CALN1: variants seen among roughly 807,000 people sequenced by gnomAD.
CALN1 encodes calneuron 1.
In CALN1, 17 loss-of-function variants were observed where a neutral mutation model predicts 30.6. The ratio of observed to expected loss-of-function variants is 0.56; its 90% CI spans 0.38 to 0.83. The LOEUF (loss-of-function observed/expected upper bound fraction) is 0.83. CALN1 is among the 40% of genes least tolerant of loss of function. The pLI is 0.00. For synonymous variants in CALN1, 156 were observed against 131.4 expected (o/e 1.19, Z -1.28); for missense variants, 291 against 354.9 (o/e 0.82, Z 1.45).
At chr7:72,134,013 A>G (rs1210918083) in intron 3 of CALN1, among the ~76,000 whole-genome samples, 3 of 152,212 alleles carry the variant, frequency 2.0e-5, no homozygotes, top group African/African-American at 7.2e-5. Context: ...ATTAAAAGGC[A>G]TTAAAAGGCC....
intron 3 of CALN1, among the ~76,000 whole-genome samples, chr7:72,177,260 T>A (rs1259187521): frequency 6.6e-6 from 1 of 152,090 alleles, no homozygotes; most frequent in East Asian, 1.9e-4. Context: ...GTGCTTACCC[T>A]GACTTAGAGA....
At chr7:72,320,927 A>G (rs1490717049) in intron 2 of CALN1, among the ~76,000 whole-genome samples, 1 of 151,846 alleles carries the variant, frequency 6.6e-6, no homozygotes, top group Non-Finnish European at 1.5e-5. Flanking sequence ...CAAACTCACT[A>G]GTCCACAGCT....
intron 5 of CALN1, among the ~76,000 whole-genome samples, chr7:71,938,069 C>T (rs1276395598): frequency 1.3e-5 from 2 of 152,124 alleles, no homozygotes; most frequent in Admixed American, 1.3e-4. Context: ...AAAGAGTTTA[C>T]CAAAGAATGG....
At chr7:72,347,034 T>A (rs1350392828) in intron 2 of CALN1, among the ~76,000 whole-genome samples, 3 of 152,072 alleles carry the variant, frequency 2.0e-5, no homozygotes, top group Non-Finnish European at 4.4e-5. Context: ...CAGCGAATTG[T>A]CAAACATGTA....
At chr7:72,210,313 G>A (rs765397306) in intron 3 of CALN1, among the ~76,000 whole-genome samples, 1 of 152,108 alleles carries the variant, frequency 6.6e-6, no homozygotes, top group Non-Finnish European at 1.5e-5. Flanking sequence ...GAGTGTTGGT[G>A]AATGTGAAGA....
At chr7:72,439,573 T>C (rs1808283278) in intron 1 of CALN1, among the ~76,000 whole-genome samples, 2 of 140,020 alleles carry the variant, frequency 1.4e-5, no homozygotes, top group Non-Finnish European at 3.0e-5. Flanking sequence ...TTTATCCTTG[T>C]CGTTTATTCT....
At chr7:72,121,225 A>C (rs911879017) in intron 3 of CALN1, among the ~76,000 whole-genome samples, 2 of 143,430 alleles carry the variant, frequency 1.4e-5, no homozygotes, top group Non-Finnish European at 3.0e-5. Flanking sequence ...TGTATTATAT[A>C]ACTATATAAT....
chr7:71,969,595 T>C (rs1220087923), intron 5 of CALN1, among the ~76,000 whole-genome samples: 1 of 152,174 alleles, frequency 6.6e-6, no homozygotes, highest in Non-Finnish European at 1.5e-5. Context: ...ATTTGGGATG[T>C]TTCTTTGTAT....
chr7:72,395,368 C>T (rs543872776), intron 2 of CALN1, among the ~76,000 whole-genome samples: 2 of 152,018 alleles, frequency 1.3e-5, no homozygotes, highest in East Asian at 3.9e-4. Context: ...CGCACACACA[C>T]ACACACACAT....
intron 3 of CALN1, among the ~76,000 whole-genome samples, chr7:72,148,264 TAAAAA>T (rs35780457): frequency 7.5e-6 from 1 of 132,678 alleles, no homozygotes; most frequent in African/African-American, 2.8e-5. Context: ...TGTGGTTGTT[TAAAAA>T]AAAAAAAAAA....
At chr7:71,982,197 A>G (rs1320491815) in intron 5 of CALN1, among the ~76,000 whole-genome samples, 1 of 152,178 alleles carries the variant, frequency 6.6e-6, no homozygotes, top group Admixed American at 6.5e-5. Context: ...CTGTGATATT[A>G]TCAGGGTCAC....
intron 4 of CALN1, among the ~76,000 whole-genome samples, chr7:72,043,003 T>G (rs1305696879): frequency 1.3e-5 from 2 of 152,088 alleles, no homozygotes. Flanking sequence ...CCACAAAAAT[T>G]TATAGAAATA....
chr7:72,346,707 G>T (rs1405874660), intron 2 of CALN1, among the ~76,000 whole-genome samples: 1 of 152,022 alleles, frequency 6.6e-6, no homozygotes, highest in African/African-American at 2.4e-5. Context: ...AGTAGAGACG[G>T]GGCTTCACAT....
Position 72,106,136 on chromosome 7 carries a change from T to C in CALN1, c.388+15A>G. The stretch of plus-strand genomic sequence containing the variant: ...GGGCATGTCTCAGGGGAGAAGCTGC[T>C]TGTCCGGGTCTTACCGTCCATGTCC... On this transcript the variant is annotated intron_variant, in intron 4 of 6. Transcript: ENST00000395275. 1 of 1,612,338 alleles carries C rather than the reference T, an allele frequency of 6.2e-7. No homozygotes were observed. The highest frequency in any genetic ancestry group is 2.2e-5 in the East Asian group (1 of 44,824).
At chr7:72,061,023 G>A (rs972345409) in intron 4 of CALN1, among the ~76,000 whole-genome samples, 6 of 152,274 alleles carry the variant, frequency 3.9e-5, no homozygotes, top group Admixed American at 6.5e-5. Flanking sequence ...AATGGCCAAC[G>A]GGTGGAGCAC....
intron 2 of CALN1, among the ~76,000 whole-genome samples, chr7:72,288,198 C>CA (rs1798228718): frequency 6.6e-6 from 1 of 152,054 alleles, no homozygotes; most frequent in African/African-American, 2.4e-5. Flanking sequence ...ATGGTGCACT[C>CA]ACATAGCTTT....
At chr7:71,848,028 T>C (rs2023987) in intron 5 of CALN1, among the ~76,000 whole-genome samples, 86,266 of 151,948 alleles carry the variant, frequency 0.57, 26,342 homozygotes, top group East Asian at 0.86. Flanking sequence ...CAAAAACACC[T>C]GAACAGAAAT....
chr7:71,894,141 T>A (rs562464452), intron 5 of CALN1, among the ~76,000 whole-genome samples: 1 of 152,310 alleles, frequency 6.6e-6, no homozygotes, highest in Admixed American at 6.5e-5. Flanking sequence ...TAACCCTTAG[T>A]GATTTTTAGT....
At chr7:72,392,395 A>G (rs1208795827) in intron 2 of CALN1, among the ~76,000 whole-genome samples, 1 of 152,200 alleles carries the variant, frequency 6.6e-6, no homozygotes, top group African/African-American at 2.4e-5. Context: ...CTGGACTCAG[A>G]GACAAAAAGT....
Sources: gnomAD v4.1 joint callset for allele counts (sites outside exome capture counted in the v4.1 genomes callset) on GRCh38, gnomAD v4.1.1 for gene constraint, MANE v1.5 for transcripts, NCBI Gene and HGNC (gene_info 2026-07-23, HGNC 2026-07-21) for gene names.